Variants in MYO16 observed in about 807,000 individuals in gnomAD.
MYO16 encodes myosin XVI.
MYO16 carries 94 observed loss-of-function variants against 205.3 expected under a neutral mutation model. That is an observed-to-expected ratio of 0.46 (90% CI 0.39 to 0.54). The LOEUF is 0.54. Among genes scored for constraint, MYO16 ranks in the 20% least tolerant of loss-of-function variants. MYO16 has a pLI of 0.00. For synonymous variants in MYO16, 988 were observed against 954.0 expected (o/e 1.04, Z -0.66); for missense variants, 2,315 against 2,387.5 (o/e 0.97, Z 0.63).
At chr13:109,078,538 G>A (rs1052439291) in intron 27 of MYO16, among the ~76,000 whole-genome samples, 3 of 152,100 alleles carry the variant, frequency 2.0e-5, no homozygotes, top group Non-Finnish European at 4.4e-5. Context: ...AGTGTTAATT[G>A]ATTAATTTTT....
intron 20 of MYO16, among the ~76,000 whole-genome samples, chr13:108,988,004 A>G (rs554260680): frequency 1.3e-5 from 2 of 152,338 alleles, no homozygotes; most frequent in East Asian, 3.9e-4. Flanking sequence ...TAATATGTCA[A>G]TGCAAGCTGA....
the MYO16 span, among the ~76,000 whole-genome samples, chr13:108,548,815 A>G: frequency 6.6e-6 from 1 of 152,208 alleles, no homozygotes; most frequent in Admixed American, 6.5e-5. Flanking sequence ...GAATTCATTA[A>G]TTATTGTAAC....
At chr13:108,698,054 C>G (rs534677840) in intron 2 of MYO16, among the ~76,000 whole-genome samples, 1 of 152,248 alleles carries the variant, frequency 6.6e-6, no homozygotes, top group East Asian at 1.9e-4. Context: ...TGCCTTCATT[C>G]CTCCTCTGCA....
the MYO16 span, among the ~76,000 whole-genome samples, chr13:108,588,747 G>A: frequency 1.3e-5 from 2 of 152,146 alleles, no homozygotes; most frequent in South Asian, 4.1e-4. Flanking sequence ...TACACTGTTA[G>A]TGAGAGGCCT....
intron 21 of MYO16, among the ~76,000 whole-genome samples, chr13:109,004,667 A>G (rs990672718): frequency 1.3e-5 from 2 of 152,200 alleles, no homozygotes; most frequent in African/African-American, 4.8e-5. Flanking sequence ...TAAGATAAAC[A>G]TAGAAACTGA....
In MYO16 at chr13:108,793,610, C is replaced by A; in HGVS notation, c.711C>A (p.Val237=). Residue 237 remains valine, a synonymous_variant, in exon 6 of 35, where the codon GTC becomes GTA. Coordinates refer to ENST00000457511, the MANE Select transcript of MYO16 (RefSeq NM_001198950.3). The part of the protein sequence containing the change: ...VKHFLSSGGN[V]NEKNDEGVTL... ...ACTTCTTATCATCTGGAGGAAATGTCAATGAGAAAAACGATGAAGGAGTAA... is the reference window on the plus strand; with the variant it reads ...ACTTCTTATCATCTGGAGGAAATGTAAATGAGAAAAACGATGAAGGAGTAA... The A allele has an allele frequency of 6.2e-7, 1 of 1,613,416 alleles. No individual in the cohort carries two copies. Among genetic ancestry groups the A allele is most frequent in the South Asian group, 1.1e-5 (1 of 91,006 alleles).
chr13:108,522,808 G>A, the MYO16 span, among the ~76,000 whole-genome samples: 1 of 151,736 alleles, frequency 6.6e-6, no homozygotes, highest in Non-Finnish European at 1.5e-5. Flanking sequence ...CTGTCTCAAT[G>A]TCTAAATTTC....
At chr13:108,997,984 A>C (rs1594457237) in intron 21 of MYO16, among the ~76,000 whole-genome samples, 2 of 152,236 alleles carry the variant, frequency 1.3e-5, no homozygotes, top group South Asian at 4.1e-4. Flanking sequence ...TGGACACTTC[A>C]GATGACCTGG....
chr13:108,712,957 A>G (rs1883781611), intron 3 of MYO16, among the ~76,000 whole-genome samples: 1 of 152,220 alleles, frequency 6.6e-6, no homozygotes, highest in African/African-American at 2.4e-5. Context: ...TTTAAAAACT[A>G]ATAGCATTCA....
intron 22 of MYO16, among the ~76,000 whole-genome samples, chr13:109,015,222 T>C (rs1332047838): frequency 6.6e-6 from 1 of 152,216 alleles, no homozygotes; most frequent in Non-Finnish European, 1.5e-5. Flanking sequence ...GAGATAATCA[T>C]GTGGTTTTTG....
chr13:108,928,095 C>T (rs559358319), intron 16 of MYO16, among the ~76,000 whole-genome samples: 1 of 152,320 alleles, frequency 6.6e-6, no homozygotes, highest in South Asian at 2.1e-4. Flanking sequence ...GATGCCGATG[C>T]GCTTGCCTTC....
intron 10 of MYO16, 82 bp from the exon 11 acceptor site, chr13:108,855,361 T>C: frequency 2.9e-6 from 2 of 680,310 alleles, no homozygotes; most frequent in Non-Finnish European, 4.7e-6. Flanking sequence ...GTTTGACAGG[T>C]AATTGAAAGT....
At position 109,052,362 on chromosome 13, in the gene MYO16, G is replaced by C; in HGVS notation, c.2935G>C (p.Val979Leu). 2.5e-6 allele frequency: 4 copies of C among 1,612,930 alleles called. No homozygotes were observed. Among genetic ancestry groups the C allele is most frequent in the Non-Finnish European group, 2.5e-6 (3 of 1,179,128 alleles). ...GAAATTGTCACAAACAGGATCCCTC[G>C]TATCTGCCTATCCTTCCTTTAAATT... ...QSKLSQTGSL[V>L]SAYPSFKFRG... is the part of the protein sequence containing the mutation. The change falls in exon 25 of 35, where the codon GTA (valine) becomes CTA (leucine). Residue 979 changes from valine (V) to leucine (L), a missense_variant. Physicochemically the swap from Val to Leu is conservative, Grantham distance 32. Around this residue, in one of 3 missense-constraint regions of MYO16, gnomAD observed 1,213 missense variants for 1,274.4 expected, o/e 0.95. Coordinates refer to ENST00000457511, the MANE Select transcript of MYO16 (RefSeq NM_001198950.3).
chr13:108,730,251 T>C (rs556188647), intron 4 of MYO16, among the ~76,000 whole-genome samples: 2 of 152,308 alleles, frequency 1.3e-5, no homozygotes, highest in Admixed American at 6.5e-5. Context: ...GGCTTTCTCC[T>C]TCACTGGGCT....
chr13:108,557,734 A>T, the MYO16 span, among the ~76,000 whole-genome samples: 1 of 152,190 alleles, frequency 6.6e-6, no homozygotes, highest in African/African-American at 2.4e-5. Flanking sequence ...AATATAATGA[A>T]TGAAAAGAGG....
At chr13:108,718,688 C>T (rs1251274668) in intron 3 of MYO16, among the ~76,000 whole-genome samples, 3 of 152,064 alleles carry the variant, frequency 2.0e-5, no homozygotes, top group Admixed American at 6.5e-5. Context: ...AGAGACTCTT[C>T]ACATAACCCC....
chr13:108,794,070 A>G (rs1028784440), intron 6 of MYO16, among the ~76,000 whole-genome samples: 2 of 152,212 alleles, frequency 1.3e-5, no homozygotes, highest in Admixed American at 6.5e-5. Context: ...GAGAATTACC[A>G]TAAGAACAGA....
At chr13:109,060,913 C>T (rs141183530) in intron 27 of MYO16, among the ~76,000 whole-genome samples, 36 of 152,310 alleles carry the variant, frequency 2.4e-4, no homozygotes, top group East Asian at 2.3e-3. Flanking sequence ...AAGGCTATTT[C>T]ACCTACATAG....
chr13:109,020,952 G>C (rs917058600), intron 23 of MYO16, among the ~76,000 whole-genome samples: 1 of 152,070 alleles, frequency 6.6e-6, no homozygotes, highest in African/African-American at 2.4e-5. Context: ...ATATTAATAT[G>C]AATAATGTAT....
Sources: allele counts gnomAD v4.1 joint callset (sites outside exome capture counted in the v4.1 genomes callset), GRCh38; gene constraint gnomAD v4.1.1; regional missense constraint gnomAD v4.1.1; transcripts MANE v1.5; gene names NCBI Gene and HGNC (gene_info 2026-07-23, HGNC 2026-07-21).